Variants in PBX3 observed in about 807,000 individuals in gnomAD.
PBX3 encodes the protein pre-B-cell leukemia transcription factor 3.
In PBX3, 14 loss-of-function variants were observed where a neutral mutation model predicts 48.5. The observed-to-expected ratio is 0.29, with a 90% CI of 0.19 to 0.45. PBX3 has a LOEUF of 0.45. PBX3 is among the 20% of genes least tolerant of loss of function. The pLI, the probability that PBX3 is intolerant of heterozygous loss-of-function variation, is 1.00. For synonymous variants in PBX3, 210 were observed against 200.3 expected, an observed-to-expected ratio of 1.05 and a Z score of -0.41; for missense variants, 386 against 546.7, an observed-to-expected ratio of 0.71 and a Z score of 2.93.
intron 6 of PBX3, 95 bp downstream of exon 6, chr9:125,960,944 C>A: frequency 8.0e-7 from 1 of 1,247,668 alleles, no homozygotes; most frequent in African/African-American, 1.5e-5. Flanking sequence ...ATACTGAGGA[C>A]AGAGTGGACT....
chr9:125,773,569 G>A (rs1448194535), intron 2 of PBX3, among the ~76,000 whole-genome samples: 2 of 152,172 alleles, frequency 1.3e-5, no homozygotes, highest in Non-Finnish European at 2.9e-5. Flanking sequence ...CTGGCACATA[G>A]TAGGAAGCAC....
At chr9:125,763,595 T>C (rs1348866212) in intron 2 of PBX3, among the ~76,000 whole-genome samples, 1 of 152,208 alleles carries the variant, frequency 6.6e-6, no homozygotes, top group African/African-American at 2.4e-5. Context: ...ATTCACCCTG[T>C]CTCTGCTCAG....
chr9:125,760,246 C>T (rs35888131), intron 2 of PBX3, among the ~76,000 whole-genome samples: 42,754 of 152,136 alleles, frequency 0.28, 7,071 homozygotes, highest in Middle Eastern at 0.41. Context: ...GAAAAAAAGT[C>T]ATAAATTCCC....
intron 2 of PBX3, among the ~76,000 whole-genome samples, chr9:125,761,509 AG>A (rs1298494762): frequency 7.2e-5 from 11 of 152,110 alleles, no homozygotes; most frequent in Non-Finnish European, 2.9e-5. Flanking sequence ...GAGCTTCAGC[AG>A]GGAGCATTTC....
chr9:125,780,884 CG>C lies in PBX3; in HGVS notation c.274+32263del, dbSNP rs1837271807. On this transcript the variant is annotated intron_variant, in intron 2 of 8. Transcript: ENST00000373489. ...GGGACTCCTCACTTCTCAGACGGGG[CG>C]GATGCTGGGCGGAGGGTCTCCTCAC... 6.9e-5 allele frequency among the ~76,000 whole-genome samples: 10 copies of C among 144,836 alleles called. No individual in the cohort carries two copies. In the South Asian group the frequency reaches 2.0e-3, roughly 29 times the overall value.
chr9:125,892,231 C>T (rs1341321801), intron 2 of PBX3, among the ~76,000 whole-genome samples: 1 of 152,108 alleles, frequency 6.6e-6, no homozygotes, highest in East Asian at 1.9e-4. Flanking sequence ...CCTCAATCAG[C>T]ATTTTAATTG....
intron 2 of PBX3, among the ~76,000 whole-genome samples, chr9:125,898,786 T>G (rs1310160673): frequency 6.6e-6 from 1 of 151,878 alleles, no homozygotes; most frequent in Non-Finnish European, 1.5e-5. Context: ...TTCATGATTG[T>G]TTTTATTACA....
chr9:125,879,068 C>T (rs1735318107), intron 2 of PBX3, among the ~76,000 whole-genome samples: 1 of 145,466 alleles, frequency 6.9e-6, no homozygotes, highest in African/African-American at 2.5e-5. Flanking sequence ...TTTACAAAGA[C>T]ATGCTATTCT....
At chr9:125,801,695 C>A (rs921284973) in intron 2 of PBX3, among the ~76,000 whole-genome samples, 2 of 151,720 alleles carry the variant, frequency 1.3e-5, no homozygotes, top group Non-Finnish European at 1.5e-5. Flanking sequence ...CTGGTAAATT[C>A]TCCAGCATTT....
At chr9:125,777,389 C>T (rs1480747907) in intron 2 of PBX3, among the ~76,000 whole-genome samples, 2 of 150,938 alleles carry the variant, frequency 1.3e-5, no homozygotes, top group Non-Finnish European at 3.0e-5. Flanking sequence ...GGAGTCTCAC[C>T]CTGTCACCCA....
At chr9:125,949,476 G>C in intron 5 of PBX3, 1 of 1,550,342 alleles carries the variant, frequency 6.5e-7, no homozygotes, top group South Asian at 1.2e-5. Flanking sequence ...GTATGAGCCA[G>C]GGAGGGGCAT....
At chr9:125,960,644 C>G in intron 5 of PBX3, 40 bp from the exon 6 acceptor site, 1 of 1,597,780 alleles carries the variant, frequency 6.3e-7, no homozygotes, top group Non-Finnish European at 8.6e-7. Context: ...ATTACTTCTT[C>G]CTCTCTTCCC....
At chr9:125,939,155 A>G (rs923963944) in intron 5 of PBX3, among the ~76,000 whole-genome samples, 2 of 152,198 alleles carry the variant, frequency 1.3e-5, no homozygotes, top group African/African-American at 2.4e-5. Flanking sequence ...CAAATAAAAT[A>G]TTTTCTAAAC....
At chr9:125,841,148 A>C (rs1782644483) in intron 2 of PBX3, among the ~76,000 whole-genome samples, 1 of 152,180 alleles carries the variant, frequency 6.6e-6, no homozygotes, top group South Asian at 2.1e-4. Flanking sequence ...ATTAAGGCCC[A>C]GAGAGGTTTA....
At chr9:125,941,364 T>C (rs146869221) in intron 5 of PBX3, among the ~76,000 whole-genome samples, 12 of 152,332 alleles carry the variant, frequency 7.9e-5, no homozygotes, top group African/African-American at 2.9e-4. Flanking sequence ...ACTTGGGCTT[T>C]CACTGTGAGA....
chr9:125,767,240 A>C (rs558236084), intron 2 of PBX3, among the ~76,000 whole-genome samples: 1 of 152,332 alleles, frequency 6.6e-6, no homozygotes, highest in African/African-American at 2.4e-5. Context: ...GAATTTGGCG[A>C]ATGCTAAGTG....
chr9:125,866,628 A>C (rs545301039), intron 2 of PBX3, among the ~76,000 whole-genome samples: 98 of 152,328 alleles, frequency 6.4e-4, no homozygotes, highest in Non-Finnish European at 1.3e-3. Flanking sequence ...AGGCCTCTGT[A>C]TGTGTCCGGG....
At chr9:125,748,527 G>C (rs191606508) in intron 1 of PBX3, 23 bp from the exon 2 acceptor site, 4 of 1,611,660 alleles carry the variant, frequency 2.5e-6, no homozygotes, top group African/African-American at 2.7e-5. Context: ...TAATACCTTT[G>C]TGTTTCGTTA....
At chr9:125,948,360 G>T (rs904979124) in intron 5 of PBX3, among the ~76,000 whole-genome samples, 1 of 152,144 alleles carries the variant, frequency 6.6e-6, no homozygotes, top group Non-Finnish European at 1.5e-5. Context: ...GTACTTCTCA[G>T]TAAATAAATT....
Sources: allele counts gnomAD v4.1 joint callset (sites outside exome capture counted in the v4.1 genomes callset), GRCh38; gene constraint gnomAD v4.1.1; transcripts MANE v1.5; gene names NCBI Gene and HGNC (gene_info 2026-07-23, HGNC 2026-07-21).